Variants in CPEB1 observed in about 807,000 individuals in gnomAD.
CPEB1 encodes the protein cytoplasmic polyadenylation element binding protein 1.
A neutral mutation model predicts 65.8 loss-of-function variants in CPEB1; 7 were observed. That is an observed-to-expected ratio of 0.11 (90% CI 0.06 to 0.20). The LOEUF (loss-of-function observed/expected upper bound fraction) is 0.20. CPEB1 is among the 10% of genes least tolerant of loss of function. The pLI, the probability that CPEB1 is intolerant of heterozygous loss-of-function variation, is 1.00. For missense variants in CPEB1, 551 were observed against 712.2 expected (o/e 0.77, Z 2.58); for synonymous variants, 262 against 260.0 (o/e 1.01, Z -0.08).
At chr15:82,635,752 T>C (rs556549229) in intron 1 of CPEB1, among the ~76,000 whole-genome samples, 4 of 152,276 alleles carry the variant, frequency 2.6e-5, no homozygotes, top group South Asian at 4.1e-4. Flanking sequence ...TAAAATGCTA[T>C]AGAAGAGAGG....
chr15:82,643,173 T>A (rs190267871), intron 1 of CPEB1, among the ~76,000 whole-genome samples: 1 of 152,238 alleles, frequency 6.6e-6, no homozygotes, highest in Non-Finnish European at 1.5e-5. Flanking sequence ...CTGGTAAAGG[T>A]TGCTAAGAAG....
intron 10 of CPEB1, among the ~76,000 whole-genome samples, chr15:82,547,805 G>A (rs926301961): frequency 6.6e-6 from 1 of 152,022 alleles, no homozygotes; most frequent in Non-Finnish European, 1.5e-5. Flanking sequence ...CCAAGTAGCT[G>A]GGACTACAAG....
intron 3 of CPEB1, among the ~76,000 whole-genome samples, chr15:82,601,629 G>A (rs962563614): frequency 1.3e-5 from 2 of 152,114 alleles, no homozygotes; most frequent in African/African-American, 4.8e-5. Context: ...CCAACTATAT[G>A]CTGCTTTCCA....
chr15:82,645,296 G>A (rs953480863), intron 1 of CPEB1, among the ~76,000 whole-genome samples: 4 of 152,096 alleles, frequency 2.6e-5, no homozygotes, highest in Non-Finnish European at 2.9e-5. Context: ...TCGATTATAG[G>A]CGCCCACCAC....
At chr15:82,639,225 C>T (rs568718436) in intron 1 of CPEB1, among the ~76,000 whole-genome samples, 1 of 152,276 alleles carries the variant, frequency 6.6e-6, no homozygotes, top group East Asian at 1.9e-4. Context: ...CTACTTTATT[C>T]TGTTGTGTGT....
intron 3 of CPEB1, among the ~76,000 whole-genome samples, chr15:82,617,075 T>A (rs2044783615): frequency 6.6e-6 from 1 of 152,182 alleles, no homozygotes; most frequent in African/African-American, 2.4e-5. Flanking sequence ...TACCTCTGAG[T>A]CCTCTTGCCC....
upstream of CPEB1, chr15:82,647,777 C>T (rs1265485917): frequency 1.7e-6 from 2 of 1,200,794 alleles, no homozygotes; most frequent in Admixed American, 4.3e-5. Context: ...ACCGCGGCGC[C>T]GGACCCGGCT....
At chr15:82,642,792 G>A (rs897965341) in intron 1 of CPEB1, among the ~76,000 whole-genome samples, 3 of 152,146 alleles carry the variant, frequency 2.0e-5, no homozygotes, top group African/African-American at 7.2e-5. Flanking sequence ...GATGAGATTA[G>A]CACAACTTCT....
At chr15:82,644,463 G>T (rs2047339789) in intron 1 of CPEB1, among the ~76,000 whole-genome samples, 1 of 152,210 alleles carries the variant, frequency 6.6e-6, no homozygotes, top group Admixed American at 6.5e-5. Flanking sequence ...ATCCAAAACG[G>T]ATGTTTTAAG....
intron 6 of CPEB1, 81 bp downstream of exon 6, chr15:82,555,789 A>G: frequency 6.7e-7 from 1 of 1,491,668 alleles, no homozygotes; most frequent in Non-Finnish European, 9.1e-7. Flanking sequence ...TAGACAGTTC[A>G]CAAGTGTGTG....
chr15:82,645,255 C>T (rs1199440710), intron 1 of CPEB1, among the ~76,000 whole-genome samples: 1 of 152,146 alleles, frequency 6.6e-6, no homozygotes. Flanking sequence ...TGGGTTTAAG[C>T]GATTCTCCTG....
intron 4 of CPEB1, among the ~76,000 whole-genome samples, chr15:82,568,055 C>T (rs1317548313): frequency 6.6e-6 from 1 of 152,092 alleles, no homozygotes; most frequent in Non-Finnish European, 1.5e-5. Context: ...AGTTTTCTCA[C>T]CCAATATGTT....
At chr15:82,573,295 G>A in intron 3 of CPEB1, 1 of 807,108 alleles carries the variant, frequency 1.2e-6, no homozygotes, top group Non-Finnish European at 1.9e-6. Context: ...CCTCCTGGCT[G>A]TAGATATTCT....
chr15:82,548,466 G>T (rs1418471555), intron 10 of CPEB1, among the ~76,000 whole-genome samples: 1 of 152,206 alleles, frequency 6.6e-6, no homozygotes, highest in Non-Finnish European at 1.5e-5. Context: ...TGACAGTGGA[G>T]ATCATGTTAG....
intron 3 of CPEB1, among the ~76,000 whole-genome samples, chr15:82,620,652 A>G (rs1220270696): frequency 6.6e-6 from 1 of 152,000 alleles, no homozygotes. Context: ...TAAAAAAAAA[A>G]ATTAGTTGGG....
chr15:82,623,553 G>C (rs12911812), intron 3 of CPEB1, among the ~76,000 whole-genome samples: 1 of 152,146 alleles, frequency 6.6e-6, no homozygotes, highest in Non-Finnish European at 1.5e-5. Context: ...GGGCATACCC[G>C]TAATCCCAGT....
chr15:82,624,000 G>A (rs547333126), intron 3 of CPEB1, among the ~76,000 whole-genome samples: 31 of 152,172 alleles, frequency 2.0e-4, no homozygotes, highest in African/African-American at 7.0e-4. Context: ...TCATAATTCT[G>A]ATTATTTCCT....
intron 8 of CPEB1, 54 bp downstream of exon 8, chr15:82,553,413 A>C: frequency 7.3e-7 from 1 of 1,367,416 alleles, no homozygotes; most frequent in South Asian, 1.2e-5. Flanking sequence ...GTTATGTACT[A>C]GGGAAGGGAA....
chr15:82,628,788 T>C (rs2045988854), intron 1 of CPEB1: 1 of 231,824 alleles, frequency 4.3e-6, no homozygotes. Context: ...TGAAGATCTT[T>C]ATGATTCACT....
Sources: gnomAD v4.1 joint callset for allele counts (sites outside exome capture counted in the v4.1 genomes callset) on GRCh38, gnomAD v4.1.1 for gene constraint, MANE v1.5 for transcripts, NCBI Gene and HGNC (gene_info 2026-07-23, HGNC 2026-07-21) for gene names.